Variants in CFAP161 observed in about 807,000 individuals in gnomAD.
CFAP161 encodes cilia and flagella associated protein 161.
In CFAP161, 25 loss-of-function variants were observed where a neutral mutation model predicts 29.0. The ratio of observed to expected loss-of-function variants is 0.86; its 90% CI spans 0.63 to 1.20. CFAP161 has a LOEUF of 1.20. CFAP161 is among the 50% of genes most tolerant of loss of function. CFAP161 has a pLI of 0.00. For missense variants in CFAP161, 367 were observed against 371.9 expected, an observed-to-expected ratio of 0.99 and a Z score of 0.11; for synonymous variants, 116 against 137.4, an observed-to-expected ratio of 0.84 and a Z score of 1.09.
intron 1 of CFAP161, chr15:81,118,181 T>G (rs1295249723): frequency 2.1e-6 from 1 of 478,390 alleles, no homozygotes; most frequent in East Asian, 5.2e-5. Flanking sequence ...CTATTTTCAC[T>G]GAGTACAAAT....
intron 4 of CFAP161, among the ~76,000 whole-genome samples, chr15:81,139,864 C>T (rs1894876782): frequency 2.6e-5 from 4 of 152,160 alleles, no homozygotes; most frequent in East Asian, 1.9e-4. Flanking sequence ...GCACTCTCAG[C>T]AACAGTAAGA....
At chr15:81,116,995 A>T (rs2663937) in intron 1 of CFAP161, among the ~76,000 whole-genome samples, 82,463 of 151,830 alleles carry the variant, frequency 0.54, 23,695 homozygotes, top group Middle Eastern at 0.66. Context: ...ATCTCATATT[A>T]AAAAACCTTT....
At position 81,148,365 on chromosome 15, in the gene CFAP161, T is replaced by G; in HGVS notation, c.738T>G (p.Val246=). Residue 246 remains valine (V), a synonymous_variant, in exon 7 of 7, where the codon GTT becomes GTG. Coordinates refer to ENST00000286732, the MANE Select transcript of CFAP161 (RefSeq NM_173528.4). ...CCTATTTTGGAAAGGAGGCTGAGGT[T>G]GTAGCTCACACATACCTGGATTCAC... is the stretch of plus-strand genomic sequence containing the variant. ...LSTYFGKEAE[V]VAHTYLDSHR... is the part of the protein sequence containing the mutation. The G allele has an allele frequency of 6.2e-7, 1 of 1,613,368 alleles. No individual in the cohort carries two copies. The highest frequency in any genetic ancestry group is 1.1e-5 in the South Asian group (1 of 91,050).
chr15:81,148,496 G>C lies in CFAP161; in HGVS notation c.869G>C (p.Arg290Pro), dbSNP rs375754118. The C allele has an allele frequency of 1.9e-6, 3 of 1,614,030 alleles. No individual in the cohort carries two copies. Among genetic ancestry groups the C allele is most frequent in the Admixed American group, 3.3e-5 (2 of 60,000 alleles). ...DLPKPPTEDT[R>P]AMEQAMGLDT... is the part of the protein sequence containing the mutation. Reference sequence around the variant, plus strand: ...CCCAAACCACCCACAGAGGACACTCGAGCCATGGAGCAGGCCATGGGCCTT... The same window carrying C: ...CCCAAACCACCCACAGAGGACACTCCAGCCATGGAGCAGGCCATGGGCCTT... The change falls in exon 7 of 7, where the codon CGA becomes CCA. Residue 290 changes from arginine to proline, a missense_variant. Coordinates refer to ENST00000286732, the MANE Select transcript of CFAP161 (RefSeq NM_173528.4).
At chr15:81,121,221 T>A (rs1894568595) in intron 1 of CFAP161, among the ~76,000 whole-genome samples, 2 of 152,200 alleles carry the variant, frequency 1.3e-5, no homozygotes, top group African/African-American at 4.8e-5. Context: ...ACTTCCTCTA[T>A]CTTAAATAAC....
At chr15:81,109,055 C>A (rs142432597) in intron 1 of CFAP161, among the ~76,000 whole-genome samples, 1 of 152,092 alleles carries the variant, frequency 6.6e-6, no homozygotes, top group African/African-American at 2.4e-5. Flanking sequence ...AGCATTGTCA[C>A]GGTGGAGAAG....
intron 1 of CFAP161, among the ~76,000 whole-genome samples, chr15:81,111,262 T>A (rs1894436633): frequency 6.6e-6 from 1 of 152,244 alleles, no homozygotes; most frequent in Admixed American, 6.5e-5. Flanking sequence ...TCCCACTGCA[T>A]CCAGAAGGCT....
chr15:81,147,929 A>G lies in CFAP161; in HGVS notation c.708A>G (p.Leu236=). Residue 236 remains leucine (L), a splice_region_variant and synonymous_variant, in exon 6 of 7, where the codon TTA becomes TTG. Transcript: ENST00000286732. ...TGGCAGCCCACCGGCATCTTTTCTT[A>G]AGGTATTGTATTTCAGGGTACAACA... ...RGLAAHRHLF[L]STYFGKEAEV... is the part of the protein sequence containing the mutation. The G allele has an allele frequency of 6.2e-7, 1 of 1,607,134 alleles. No homozygotes were observed. The highest frequency in any genetic ancestry group is 1.7e-5 in the Admixed American group (1 of 59,344).
At chr15:81,130,437 A>G (rs996829603), upstream of CFAP161, among the ~76,000 whole-genome samples, 1 of 152,224 alleles carries the variant, frequency 6.6e-6, no homozygotes, top group Non-Finnish European at 1.5e-5. Context: ...GACTTGGCTC[A>G]CGCCTGTAAT....
At chr15:81,114,754 C>T (rs1016831905) in intron 1 of CFAP161, among the ~76,000 whole-genome samples, 6 of 152,114 alleles carry the variant, frequency 3.9e-5, no homozygotes, top group Non-Finnish European at 8.8e-5. Flanking sequence ...AGCTCCGCCT[C>T]CCGGGTTCAC....
At chr15:81,100,691 CCTCTCT>C (rs71451564) in intron 1 of CFAP161, among the ~76,000 whole-genome samples, 13,787 of 118,464 alleles carry the variant, frequency 0.12, 630 homozygotes, top group Admixed American at 0.13. Flanking sequence ...ATTTCCTTTT[CCTCTCT>C]CTCTCTCTTT....
intron 1 of CFAP161, among the ~76,000 whole-genome samples, chr15:81,100,704 CTT>C (rs1555448386): frequency 1.3e-5 from 2 of 148,646 alleles, no homozygotes; most frequent in Non-Finnish European, 3.0e-5. Context: ...CTCTCTCTCT[CTT>C]TTTTTTTTTT....
At chr15:81,108,168 T>C (rs186312696) in intron 1 of CFAP161, among the ~76,000 whole-genome samples, 18 of 152,320 alleles carry the variant, frequency 1.2e-4, no homozygotes, top group Non-Finnish European at 2.1e-4. Flanking sequence ...TTTACCCTAT[T>C]GTACTGTAAG....
At chr15:81,126,954 C>T (rs947884523) in intron 1 of CFAP161, among the ~76,000 whole-genome samples, 1 of 152,162 alleles carries the variant, frequency 6.6e-6, no homozygotes, top group Non-Finnish European at 1.5e-5. Context: ...ACATGTAAGA[C>T]TCTCCATTTT....
At chr15:81,133,566 T>A (rs1014499072), upstream of CFAP161, among the ~76,000 whole-genome samples, 4 of 152,064 alleles carry the variant, frequency 2.6e-5, no homozygotes, top group Non-Finnish European at 5.9e-5. Context: ...GTAACTGGTA[T>A]CCCTCCCCTC....
intron 6 of CFAP161, 68 bp from the exon 7 acceptor site, chr15:81,148,269 AT>A: frequency 7.0e-7 from 1 of 1,433,576 alleles, no homozygotes; most frequent in South Asian, 1.3e-5. Context: ...TCGAGATTAA[AT>A]TATTAATAAC....
chr15:81,129,074 T>C (rs1259834610), intron 2 of CFAP161, among the ~76,000 whole-genome samples: 1 of 152,212 alleles, frequency 6.6e-6, no homozygotes, highest in Non-Finnish European at 1.5e-5. Context: ...TTAATTTCCT[T>C]GTACATCTCC....
chr15:81,147,878 C>T lies in CFAP161; in HGVS notation c.657C>T (p.Ile219=). 1 of 1,609,920 alleles carries T rather than the reference C, an allele frequency of 6.2e-7. No homozygotes were observed. The highest frequency in any genetic ancestry group is 8.5e-7 in the Non-Finnish European group (1 of 1,178,452). The stretch of plus-strand genomic sequence containing the variant: ...TTAAGGCAAATGCTAAAATTCTCAT[C>T]AATCACTGTCACACAAATCGGGGAC... The part of the protein sequence containing the change: ...FPVPANAKIL[I]NHCHTNRGLA... Residue 219 remains isoleucine (I), a synonymous_variant, in exon 6 of 7, where the codon ATC becomes ATT. Coordinates refer to ENST00000286732, the MANE Select transcript of CFAP161 (RefSeq NM_173528.4).
intron 1 of CFAP161, among the ~76,000 whole-genome samples, chr15:81,101,958 C>T (rs1894309078): frequency 6.6e-6 from 1 of 152,156 alleles, no homozygotes; most frequent in South Asian, 2.1e-4. Context: ...ACACCACCAC[C>T]CTCTTCCAGG....
Sources: allele counts gnomAD v4.1 joint callset (sites outside exome capture counted in the v4.1 genomes callset), GRCh38; gene constraint gnomAD v4.1.1; transcripts MANE v1.5; gene names NCBI Gene and HGNC (gene_info 2026-07-23, HGNC 2026-07-21).